The following TTLL12 variants were observed in gnomAD, a reference collection of about 807,000 sequenced individuals.
TTLL12 encodes tubulin--tyrosine ligase-like protein 12.
A neutral mutation model predicts 79.6 loss-of-function variants in TTLL12; 77 were observed. That is an observed-to-expected ratio of 0.97 (90% CI 0.81 to 1.17). The LOEUF is 1.17. Among genes scored for constraint, TTLL12 ranks in the 50% most tolerant of loss-of-function variants. The pLI, the probability that TTLL12 is intolerant of heterozygous loss-of-function variation, is 0.00. For missense variants in TTLL12, 969 were observed against 895.9 expected (o/e 1.08, Z -1.04); for synonymous variants, 437 against 376.1 (o/e 1.16, Z -1.87).
intron 2 of TTLL12, 82 bp from the exon 3 acceptor site, chr22:43,181,022 T>C (rs1289625977): frequency 2.7e-6 from 4 of 1,457,414 alleles, no homozygotes; most frequent in Non-Finnish European, 3.7e-6. Context: ...CCCAGGGCTG[T>C]GTTGGGACCA....
chr22:43,175,648 C>T (rs1931886264), intron 6 of TTLL12: 1 of 152,108 alleles, frequency 6.6e-6, no homozygotes, highest in Non-Finnish European at 1.5e-5. Context: ...TGGCCTATTC[C>T]TATTTTTAAC....
chr22:43,186,199 C>T lies in TTLL12; in HGVS notation c.177+694G>A, dbSNP rs534624032. Among the ~76,000 whole-genome samples the T allele has an allele frequency of 5.4e-4, 80 of 148,072 alleles. 5 individuals carry two copies. Among genetic ancestry groups the T allele is most frequent in the African/African-American group, 1.8e-3 (75 of 40,608 alleles). On this transcript the variant is annotated intron_variant, in intron 1 of 13. Transcript: ENST00000216129. ...CCAGCTAAAGAAAACACCCCCCCCC[C>T]CGCCAGCCCGGGAAGGTGCTGTGGC...
rs761967093 is a variant in TTLL12, at chr22:43,169,563, G to A, written c.1581C>T (p.His527=). The change falls in exon 12 of 14, where the codon CAC becomes CAT. Residue 527 remains histidine, a synonymous_variant. Transcript: ENST00000216129. ...YDPDVVLKQV[H]CEEFIPEFEK... ...CAAACTCGGGGATGAACTCTTCACA[G>A]TGCACCTGCAACAGACACAGGGCCC... The A allele has an allele frequency of 1.2e-6, 2 of 1,613,554 alleles. No individual in the cohort carries two copies. The highest frequency in any genetic ancestry group is 1.1e-5 in the South Asian group (1 of 91,004).
intron 5 of TTLL12, among the ~76,000 whole-genome samples, chr22:43,177,236 G>A (rs1931938659): frequency 6.6e-6 from 1 of 151,976 alleles, no homozygotes. Flanking sequence ...GGGCTTGGTA[G>A]CAGTTGCCTG....
chr22:43,185,985 C>G, intron 1 of TTLL12: 1 of 985,442 alleles, frequency 1.0e-6, no homozygotes, highest in South Asian at 4.7e-5. Flanking sequence ...CAGGAAGGTT[C>G]CTAGTCCAAT....
chr22:43,186,859 G>T, intron 1 of TTLL12, 34 bp downstream of exon 1: 8 of 1,244,186 alleles, frequency 6.4e-6, no homozygotes, highest in Non-Finnish European at 7.0e-6. Flanking sequence ...CTCCCACCCC[G>T]GCCGCCGCAC....
At chr22:43,172,609 C>G (rs45602338) in intron 9 of TTLL12, 55 bp from the exon 10 acceptor site, 1 of 1,607,592 alleles carries the variant, frequency 6.2e-7, no homozygotes. Flanking sequence ...CCCTGGGGCT[C>G]CCGAGCACAC....
chr22:43,173,867 G>C (rs1931829963), intron 8 of TTLL12, 41 bp from the exon 9 acceptor site: 2 of 1,564,888 alleles, frequency 1.3e-6, no homozygotes, highest in Admixed American at 1.8e-5. Flanking sequence ...CCTGGGGCCT[G>C]TGTTCCCAGA....
intron 1 of TTLL12, among the ~76,000 whole-genome samples, chr22:43,184,363 G>A (rs139421523): frequency 1.8e-4 from 28 of 152,372 alleles, no homozygotes; most frequent in African/African-American, 5.0e-4. Context: ...GCTGAGTAAG[G>A]TCTAGGCCAC....
At chr22:43,185,441 T>C (rs138953) in intron 1 of TTLL12, among the ~76,000 whole-genome samples, 116,816 of 151,524 alleles carry the variant, frequency 0.77, 46,182 homozygotes, top group African/African-American at 0.93. Flanking sequence ...CCTGGGCCAG[T>C]AGCAGCAGGA....
intron 2 of TTLL12, 24 bp from the exon 3 acceptor site, chr22:43,180,964 A>AGG: frequency 6.2e-7 from 1 of 1,601,648 alleles, no homozygotes; most frequent in South Asian, 1.1e-5. Context: ...CCACAATGTG[A>AGG]GGCTGCCGGG....
In TTLL12 at chr22:43,186,984, G is replaced by A. The variant is rs1932201729; in HGVS notation, c.86C>T (p.Ala29Val). Residue 29 changes from alanine (A) to valine (V), a missense_variant, in exon 1 of 14, where the codon GCC becomes GTC. Ala to Val is a moderately conservative substitution (Grantham distance 64). Coordinates refer to ENST00000216129, the MANE Select transcript of TTLL12 (RefSeq NM_015140.4). ...QTPEEGAQAL[A>V]EFAALHGPAL... Reference sequence around the variant, plus strand: ...CGGGCCGTGCAGCGCCGCGAACTCGGCCAAGGCCTGCGCGCCCTCCTCCGG... The same window carrying A: ...CGGGCCGTGCAGCGCCGCGAACTCGACCAAGGCCTGCGCGCCCTCCTCCGG... 1 of 1,292,788 alleles carries A rather than the reference G, an allele frequency of 7.7e-7. No homozygotes were observed. The highest frequency in any genetic ancestry group is 9.8e-7 in the Non-Finnish European group (1 of 1,017,646). The allele number at this position is 1,292,788 out of a possible 1,614,324, so 80.1% of individuals were successfully genotyped here.
At chr22:43,174,085 G>T in intron 8 of TTLL12, 124 bp downstream of exon 8, 1 of 1,317,346 alleles carries the variant, frequency 7.6e-7, no homozygotes, top group Non-Finnish European at 1.0e-6. Flanking sequence ...TGACGTTCGG[G>T]GCCCACAGCT....
chr22:43,173,932 G>T, intron 8 of TTLL12, 106 bp from the exon 9 acceptor site: 1 of 1,081,986 alleles, frequency 9.2e-7, no homozygotes, highest in Non-Finnish European at 1.3e-6. Context: ...CTCCTTGGGA[G>T]CTGAGGGGGC....
intron 5 of TTLL12, among the ~76,000 whole-genome samples, chr22:43,178,480 C>A (rs1931970983): frequency 6.6e-6 from 1 of 152,126 alleles, no homozygotes; most frequent in Admixed American, 6.5e-5. Context: ...CGCCACCACG[C>A]CCAGCTAATT....
chr22:43,179,146 G>T (rs917300589), intron 5 of TTLL12, among the ~76,000 whole-genome samples: 2 of 152,206 alleles, frequency 1.3e-5, no homozygotes, highest in Non-Finnish European at 2.9e-5. Flanking sequence ...AGGCACTACC[G>T]AGTGGGCCAG....
chr22:43,168,225 T>C, intron 13 of TTLL12, 66 bp from the exon 14 acceptor site: 3 of 1,570,686 alleles, frequency 1.9e-6, no homozygotes, highest in Non-Finnish European at 2.6e-6. Flanking sequence ...GACAGTGGCC[T>C]GGGGATCCAG....
intron 5 of TTLL12, among the ~76,000 whole-genome samples, chr22:43,178,971 A>G (rs1931983335): frequency 2.0e-5 from 3 of 152,054 alleles, no homozygotes; most frequent in Admixed American, 6.6e-5. Context: ...GAAGGAGGAG[A>G]GATGGGTCAG....
At chr22:43,173,891 G>C in intron 8 of TTLL12, 65 bp from the exon 9 acceptor site, 1 of 1,460,746 alleles carries the variant, frequency 6.8e-7, no homozygotes, top group Non-Finnish European at 9.3e-7. Context: ...TGCCACCCCA[G>C]GACCCAGAGG....
Sources: gnomAD v4.1 joint callset for allele counts (sites outside exome capture counted in the v4.1 genomes callset) on GRCh38, gnomAD v4.1.1 for gene constraint, MANE v1.5 for transcripts, NCBI Gene and HGNC (gene_info 2026-07-23, HGNC 2026-07-21) for gene names.